The following TOPAZ1 variants were observed in gnomAD, a reference collection of about 807,000 sequenced individuals.
TOPAZ1 encodes the protein testis and ovary specific TOPAZ 1.
Under a neutral mutation model 172.2 loss-of-function variants are expected in TOPAZ1, and 66 were observed. The ratio of observed to expected loss-of-function variants is 0.38; its 90% confidence interval spans 0.31 to 0.47. TOPAZ1 has a LOEUF of 0.47. Among genes scored for constraint, TOPAZ1 ranks in the 20% least tolerant of loss-of-function variants. The pLI is 0.99. For synonymous variants in TOPAZ1, 681 were observed against 683.9 expected, an observed-to-expected ratio of 1.00 and a Z score of 0.07; for missense variants, 1,822 against 1,972.4, an observed-to-expected ratio of 0.92 and a Z score of 1.44.
intron 1 of TOPAZ1, 71 bp from the exon 2 acceptor site, chr3:44,242,782 A>G (rs1269011247): frequency 4.9e-6 from 6 of 1,228,304 alleles, no homozygotes; most frequent in Non-Finnish European, 6.6e-6. Context: ...CACAATTTTT[A>G]ATTTCAATGA....
intron 13 of TOPAZ1, 45 bp from the exon 14 acceptor site, chr3:44,305,102 T>G: frequency 7.3e-7 from 1 of 1,370,060 alleles, no homozygotes. Flanking sequence ...ATGACATAGT[T>G]TTCATTCTTT....
At chr3:44,272,288 T>A (rs1481023887) in intron 8 of TOPAZ1, among the ~76,000 whole-genome samples, 1 of 152,208 alleles carries the variant, frequency 6.6e-6, no homozygotes, top group Non-Finnish European at 1.5e-5. Flanking sequence ...GATCATATGG[T>A]AATTCTATTT....
At chr3:44,299,239 TCTCAA>T (rs1700240952) in intron 12 of TOPAZ1, among the ~76,000 whole-genome samples, 1 of 151,614 alleles carries the variant, frequency 6.6e-6, no homozygotes, top group South Asian at 2.1e-4. Flanking sequence ...ATTTTGAAAG[TCTCAA>T]AATTCAATAG....
chr3:44,250,081 T>C (rs2125677926), intron 2 of TOPAZ1, among the ~76,000 whole-genome samples: 1 of 152,264 alleles, frequency 6.6e-6, no homozygotes, highest in Admixed American at 6.5e-5. Flanking sequence ...GCCCAGGCAT[T>C]TGAGTCTCAT....
At chr3:44,303,909 C>A in intron 12 of TOPAZ1, 106 bp from the exon 13 acceptor site, 1 of 587,218 alleles carries the variant, frequency 1.7e-6, no homozygotes. Context: ...TATATACATT[C>A]ATTTTTTCTT....
At chr3:44,318,623 A>T (rs1215338764) in intron 16 of TOPAZ1, among the ~76,000 whole-genome samples, 1 of 151,714 alleles carries the variant, frequency 6.6e-6, no homozygotes, top group African/African-American at 2.4e-5. Context: ...TGAGGATCTG[A>T]GGTCTGTTAT....
intron 8 of TOPAZ1, among the ~76,000 whole-genome samples, chr3:44,271,566 T>C (rs1381868441): frequency 6.6e-6 from 1 of 152,106 alleles, no homozygotes; most frequent in Non-Finnish European, 1.5e-5. Flanking sequence ...ATAAAATCAT[T>C]TATTACTTTA....
At chr3:44,323,318 T>C (rs1022056156) in intron 18 of TOPAZ1, 23 bp downstream of exon 18, 2 of 1,455,058 alleles carry the variant, frequency 1.4e-6, no homozygotes, top group Non-Finnish European at 1.9e-6. Context: ...TAAAATGTTT[T>C]AATATATTGG....
intron 4 of TOPAZ1, among the ~76,000 whole-genome samples, chr3:44,260,760 G>A (rs1699766600): frequency 6.6e-6 from 1 of 151,856 alleles, no homozygotes; most frequent in Admixed American, 6.6e-5. Flanking sequence ...GATTTGTTTT[G>A]CTATTTTATT....
chr3:44,293,041 T>C (rs1700155141), intron 12 of TOPAZ1, among the ~76,000 whole-genome samples: 1 of 152,188 alleles, frequency 6.6e-6, no homozygotes, highest in Non-Finnish European at 1.5e-5. Context: ...ACCATGGTGA[T>C]CCCATAAAAT....
intron 18 of TOPAZ1, among the ~76,000 whole-genome samples, chr3:44,325,048 C>T (rs1166954105): frequency 6.6e-6 from 1 of 152,020 alleles, no homozygotes; most frequent in East Asian, 1.9e-4. Context: ...ATTATAAAAC[C>T]ATGAATAAAA....
At chr3:44,257,855 C>T (rs183995663) in intron 4 of TOPAZ1, among the ~76,000 whole-genome samples, 5 of 152,246 alleles carry the variant, frequency 3.3e-5, no homozygotes, top group African/African-American at 1.2e-4. Flanking sequence ...TATTCCATCA[C>T]CACAAAGATA....
At chr3:44,310,310 C>T (rs900716269) in intron 16 of TOPAZ1, among the ~76,000 whole-genome samples, 1 of 152,180 alleles carries the variant, frequency 6.6e-6, no homozygotes, top group Non-Finnish European at 1.5e-5. Context: ...ACCAGCCTGA[C>T]CAACATGACG....
chr3:44,269,066 G>A (rs1699864142), intron 6 of TOPAZ1, 150 bp from the exon 7 acceptor site: 1 of 604,112 alleles, frequency 1.7e-6, no homozygotes, highest in Non-Finnish European at 3.0e-6. Flanking sequence ...ATATTTCACA[G>A]GAACACACAT....
chr3:44,314,628 A>G (rs1169943830), intron 16 of TOPAZ1, among the ~76,000 whole-genome samples: 1 of 152,046 alleles, frequency 6.6e-6, no homozygotes, highest in Non-Finnish European at 1.5e-5. Context: ...GATCAGAAGC[A>G]CAAACTACAC....
intron 7 of TOPAZ1, 102 bp from the exon 8 acceptor site, chr3:44,270,583 C>A: frequency 1.4e-6 from 1 of 729,490 alleles, no homozygotes; most frequent in Non-Finnish European, 2.0e-6. Flanking sequence ...TCTTGATACT[C>A]TTTGGAATAT....
intron 4 of TOPAZ1, among the ~76,000 whole-genome samples, chr3:44,257,352 GGT>G (rs59827431): frequency 0.02 from 2,191 of 110,268 alleles, 25 homozygotes; most frequent in African/African-American, 0.025. Context: ...AAAACATAGG[GGT>G]GTGTGTGTGT....
In TOPAZ1 at chr3:44,274,561, A is replaced by T. The variant is rs888441473; in HGVS notation, c.3372+3751A>T. Among the ~76,000 whole-genome samples the T allele has an allele frequency of 7.1e-4, 103 of 144,412 alleles. 7 individuals carry two copies. The South Asian group carries it at 0.02, about 29-fold the overall frequency. The allele number at this position is 144,412 out of a possible 152,430, so 94.7% of individuals were successfully genotyped here. On this transcript the variant is annotated intron_variant, in intron 8 of 19. Transcript: ENST00000309765. ...GCACAAAATGGAAGTAAAGCCTTAA[A>T]TTTTTTTTTTTTTTTGAGATGGATT...
chr3:44,277,440 G>A (rs959381424), intron 8 of TOPAZ1, among the ~76,000 whole-genome samples: 3 of 152,160 alleles, frequency 2.0e-5, no homozygotes, highest in Admixed American at 6.5e-5. Flanking sequence ...AATTAGCAAA[G>A]AGTGACAATT....
Sources: gnomAD v4.1 joint callset for allele counts (sites outside exome capture counted in the v4.1 genomes callset) on GRCh38, gnomAD v4.1.1 for gene constraint, MANE v1.5 for transcripts, NCBI Gene and HGNC (gene_info 2026-07-23, HGNC 2026-07-21) for gene names.